The following ROBO2 variants were observed in gnomAD, a reference collection of about 807,000 sequenced individuals.
ROBO2 encodes the protein roundabout guidance receptor 2.
Under a neutral mutation model 160.8 loss-of-function variants are expected in ROBO2, and 53 were observed. That is an observed-to-expected ratio of 0.33 (90% CI 0.26 to 0.41). The LOEUF (loss-of-function observed/expected upper bound fraction) is 0.41. ROBO2 is among the 10% of genes least tolerant of loss of function. ROBO2 has a pLI of 1.00. For missense variants in ROBO2, 1,577 were observed against 1,722.4 expected, an observed-to-expected ratio of 0.92 and a Z score of 1.49; for synonymous variants, 664 against 611.7, an observed-to-expected ratio of 1.09 and a Z score of -1.26.
At chr3:76,642,560 C>T (rs115713967) in intron 2 of ROBO2, among the ~76,000 whole-genome samples, 4,530 of 151,930 alleles carry the variant, frequency 0.03, 80 homozygotes, top group Middle Eastern at 0.072. Context: ...GCATGTTGGT[C>T]AGCCTGGTCT....
At chr3:76,748,099 T>C (rs1216143203) in intron 2 of ROBO2, among the ~76,000 whole-genome samples, 1 of 151,944 alleles carries the variant, frequency 6.6e-6, no homozygotes, top group African/African-American at 2.4e-5. Context: ...GATTCTCCTA[T>C]TCATCCCATT....
intron 2 of ROBO2, among the ~76,000 whole-genome samples, chr3:76,557,298 T>C (rs139320931): frequency 9.2e-5 from 14 of 152,076 alleles, no homozygotes; most frequent in Non-Finnish European, 2.1e-4. Flanking sequence ...TGGACATAAT[T>C]AAGCTTTCAG....
At chr3:77,451,360 C>T (rs952903775) in intron 2 of ROBO2, among the ~76,000 whole-genome samples, 2 of 152,080 alleles carry the variant, frequency 1.3e-5, no homozygotes, top group Non-Finnish European at 2.9e-5. Context: ...AATTCCTCCT[C>T]CCATTCTAAA....
At chr3:75,907,493 G>C (rs2106687344) in intron 1 of ROBO2, among the ~76,000 whole-genome samples, 1 of 152,214 alleles carries the variant, frequency 6.6e-6, no homozygotes, top group South Asian at 2.1e-4. Flanking sequence ...CCCTCCATAA[G>C]CTTATTAAAG....
chr3:76,906,771 C>A (rs1003505191), intron 2 of ROBO2, among the ~76,000 whole-genome samples: 1 of 152,052 alleles, frequency 6.6e-6, no homozygotes, highest in African/African-American at 2.4e-5. Context: ...ATTATAATTT[C>A]TTAAATGTCC....
intron 2 of ROBO2, among the ~76,000 whole-genome samples, chr3:77,280,525 A>G (rs1457367907): frequency 6.6e-6 from 1 of 152,164 alleles, no homozygotes; most frequent in East Asian, 1.9e-4. Flanking sequence ...ATGAACTCGT[A>G]ATTTATGCCC....
intron 4 of ROBO2, among the ~76,000 whole-genome samples, chr3:77,492,578 C>T (rs2086264886): frequency 6.6e-6 from 1 of 151,878 alleles, no homozygotes. Flanking sequence ...ATCTCAAACA[C>T]TTAAGAGAAG....
chr3:76,371,293 A>G (rs2076086079), intron 2 of ROBO2, among the ~76,000 whole-genome samples: 1 of 152,014 alleles, frequency 6.6e-6, no homozygotes, highest in East Asian at 1.9e-4. Flanking sequence ...TTCTGTGCAC[A>G]TAAAAATATC....
At chr3:76,889,616 G>A (rs751252217) in intron 2 of ROBO2, among the ~76,000 whole-genome samples, 2 of 152,098 alleles carry the variant, frequency 1.3e-5, no homozygotes, top group Non-Finnish European at 2.9e-5. Flanking sequence ...AATATATACT[G>A]TGTGCCAGGC....
intron 2 of ROBO2, among the ~76,000 whole-genome samples, chr3:77,241,148 A>T (rs2088978571): frequency 6.6e-6 from 1 of 152,220 alleles, no homozygotes; most frequent in African/African-American, 2.4e-5. Flanking sequence ...ATATTTGATC[A>T]TTTGTGCGTC....
intron 16 of ROBO2, among the ~76,000 whole-genome samples, chr3:77,583,670 T>A (rs529525822): frequency 2.1e-4 from 32 of 152,280 alleles, no homozygotes; most frequent in Non-Finnish European, 3.8e-4. Flanking sequence ...CTATTGATTA[T>A]CTTTTCTGCT....
intron 2 of ROBO2, among the ~76,000 whole-genome samples, chr3:76,324,068 T>C (rs2072807625): frequency 1.3e-5 from 2 of 152,192 alleles, no homozygotes; most frequent in Admixed American, 6.5e-5. Flanking sequence ...ATCACAGTTT[T>C]GGTATTCTAG....
At chr3:77,544,430 A>G (rs2153647075) in intron 6 of ROBO2, among the ~76,000 whole-genome samples, 1 of 152,268 alleles carries the variant, frequency 6.6e-6, no homozygotes, top group African/African-American at 2.4e-5. Flanking sequence ...TAGTTATAGA[A>G]GAAAATGTCA....
chr3:77,156,400 C>T (rs117207113), intron 2 of ROBO2, among the ~76,000 whole-genome samples: 10 of 152,006 alleles, frequency 6.6e-5, no homozygotes, highest in East Asian at 3.9e-4. Context: ...TATTGAATCC[C>T]AAGTATCAGC....
At chr3:76,655,605 A>G (rs2091478414) in intron 2 of ROBO2, among the ~76,000 whole-genome samples, 1 of 149,182 alleles carries the variant, frequency 6.7e-6, no homozygotes. Context: ...GAGTTAGGGT[A>G]TGGATTCATT....
intron 2 of ROBO2, among the ~76,000 whole-genome samples, chr3:77,005,494 T>C (rs1355065905): frequency 1.3e-5 from 2 of 152,266 alleles, no homozygotes; most frequent in African/African-American, 2.4e-5. Context: ...ATTTCATTTA[T>C]GCTTCAAAAT....
intron 2 of ROBO2, among the ~76,000 whole-genome samples, chr3:76,997,208 T>C (rs1487353220): frequency 2.0e-5 from 3 of 152,226 alleles, no homozygotes; most frequent in Non-Finnish European, 4.4e-5. Flanking sequence ...CATTTTAATC[T>C]ATATTGCTCA....
At chr3:76,782,701 G>T (rs1207813905) in intron 2 of ROBO2, among the ~76,000 whole-genome samples, 1 of 150,478 alleles carries the variant, frequency 6.6e-6, no homozygotes, top group Non-Finnish European at 1.5e-5. Context: ...AACCAACTCT[G>T]CTCTGTTTTG....
chr3:77,551,464 A>G (rs190874456), intron 8 of ROBO2, among the ~76,000 whole-genome samples: 55 of 152,172 alleles, frequency 3.6e-4, no homozygotes, highest in Middle Eastern at 3.4e-3. Context: ...ACTACCTTTC[A>G]AAGTGCTGAA....
Sources: gnomAD v4.1 joint callset for allele counts (sites outside exome capture counted in the v4.1 genomes callset) on GRCh38, gnomAD v4.1.1 for gene constraint, MANE v1.5 for transcripts, NCBI Gene and HGNC (gene_info 2026-07-23, HGNC 2026-07-21) for gene names.